ZDHHC21: variants seen among roughly 807,000 people sequenced by gnomAD.
ZDHHC21 encodes the protein zDHHC palmitoyltransferase 21.
Under a neutral mutation model 34.6 loss-of-function variants are expected in ZDHHC21, and 15 were observed. The ratio of observed to expected loss-of-function variants is 0.43; its 90% CI spans 0.29 to 0.67. ZDHHC21 has a LOEUF of 0.67. Ranked by LOEUF, ZDHHC21 falls within the 30% of genes least tolerant of loss-of-function variation. The pLI is 0.14. For missense variants in ZDHHC21, 344 were observed against 327.7 expected, an observed-to-expected ratio of 1.05 and a Z score of -0.38; for synonymous variants, 142 against 101.8, an observed-to-expected ratio of 1.40 and a Z score of -2.38.
At chr9:14,633,934 C>T (rs969130384) in intron 8 of ZDHHC21, among the ~76,000 whole-genome samples, 2 of 152,188 alleles carry the variant, frequency 1.3e-5, no homozygotes, top group Admixed American at 6.5e-5. Context: ...GAGATCACCC[C>T]ACCAATGCCT....
downstream of ZDHHC21, among the ~76,000 whole-genome samples, chr9:14,606,613 G>A (rs1265923402): frequency 6.6e-6 from 1 of 152,110 alleles, no homozygotes; most frequent in African/African-American, 2.4e-5. Flanking sequence ...CACAGAAACT[G>A]TGACCATAAA....
intron 8 of ZDHHC21, among the ~76,000 whole-genome samples, chr9:14,638,402 A>G (rs748426977): frequency 6.6e-6 from 1 of 152,112 alleles, no homozygotes; most frequent in Non-Finnish European, 1.5e-5. Flanking sequence ...CTCAAGATGT[A>G]TTAAAGACTT....
In ZDHHC21 at chr9:14,680,791, G is replaced by C. The variant is rs1837243187; in HGVS notation, c.-175-629C>G. On this transcript the variant is annotated intron_variant, in intron 2 of 9. Transcript: ENST00000380916. The stretch of plus-strand genomic sequence containing the variant: ...CTCTATCTTCAATGGAGGCAGACTA[G>C]CAAACAGACAAGACCAGTAAGACAA... 4.6e-5 allele frequency among the ~76,000 whole-genome samples: 7 copies of C among 152,132 alleles called. No homozygotes were observed. In the South Asian group the frequency reaches 1.2e-3, roughly 27 times the overall value.
At chr9:14,602,143 T>TAAC in the ZDHHC21 span, among the ~76,000 whole-genome samples, 3 of 151,570 alleles carry the variant, frequency 2.0e-5, no homozygotes, top group Non-Finnish European at 4.4e-5. Context: ...ACTTAAAGTA[T>TAAC]AATAATAATA....
intron 8 of ZDHHC21, among the ~76,000 whole-genome samples, chr9:14,623,687 T>A (rs1825717822): frequency 6.7e-6 from 1 of 148,302 alleles, no homozygotes; most frequent in Non-Finnish European, 1.5e-5. Flanking sequence ...AAAATCTGAT[T>A]CTAAAACAGA....
chr9:14,673,091 T>C (rs928719273), intron 4 of ZDHHC21, among the ~76,000 whole-genome samples, 163 bp from the exon 5 acceptor site: 4 of 151,930 alleles, frequency 2.6e-5, no homozygotes, highest in Non-Finnish European at 4.4e-5. Flanking sequence ...CAAATAACAC[T>C]GTCAGGAGGA....
At chr9:14,632,296 A>C (rs1165900293) in intron 8 of ZDHHC21, among the ~76,000 whole-genome samples, 1 of 152,188 alleles carries the variant, frequency 6.6e-6, no homozygotes. Context: ...TTAAGAGTCC[A>C]GAAAATATCT....
At chr9:14,640,547 C>T (rs1829195051) in intron 7 of ZDHHC21, among the ~76,000 whole-genome samples, 1 of 152,044 alleles carries the variant, frequency 6.6e-6, no homozygotes, top group Admixed American at 6.6e-5. Context: ...TCTCTTCAAG[C>T]CTACTTCATT....
Position 14,612,495 on chromosome 9 carries a change from G to A in ZDHHC21, c.*6471C>T, listed in dbSNP as rs1410960053. 2.6e-5 allele frequency: 4 copies of A among 151,858 alleles called. No homozygotes were observed. Among genetic ancestry groups the A allele is most frequent in the Non-Finnish European group, 4.4e-5 (3 of 67,880 alleles). The allele number at this position is 151,858 out of a possible 1,614,324, so 9.4% of individuals were successfully genotyped here. ...ACATTTCAAAGGTGTTTTAAATTAC[G>A]AGTACACTTAAAGGGTGTTTCTCTT... On this transcript the variant is annotated 3_prime_UTR_variant, in exon 10 of 10. Transcript: ENST00000380916.
chr9:14,651,787 C>T (rs767253740), intron 7 of ZDHHC21, among the ~76,000 whole-genome samples: 1 of 151,862 alleles, frequency 6.6e-6, no homozygotes, highest in Admixed American at 6.6e-5. Flanking sequence ...TACCAAATGA[C>T]TAGGCATCTG....
chr9:14,684,951 G>T (rs36143428), intron 2 of ZDHHC21, among the ~76,000 whole-genome samples: 5 of 152,174 alleles, frequency 3.3e-5, no homozygotes, highest in Admixed American at 6.5e-5. Context: ...AAGCAATGGG[G>T]AAAGGATTCC....
downstream of ZDHHC21, among the ~76,000 whole-genome samples, chr9:14,609,470 C>G (rs111641980): frequency 1.5e-4 from 23 of 152,216 alleles, no homozygotes; most frequent in African/African-American, 4.6e-4. Context: ...AGGACAACTA[C>G]TGACAGTATG....
the ZDHHC21 span, among the ~76,000 whole-genome samples, chr9:14,595,145 T>C: frequency 6.6e-6 from 1 of 152,208 alleles, no homozygotes; most frequent in East Asian, 1.9e-4. Flanking sequence ...TACCATTCAA[T>C]GCAGATTTCC....
chr9:14,678,835 T>C (rs868081121), intron 3 of ZDHHC21, among the ~76,000 whole-genome samples: 1 of 152,046 alleles, frequency 6.6e-6, no homozygotes, highest in East Asian at 1.9e-4. Flanking sequence ...TTCCAAGCTA[T>C]TGCAATTTTT....
At chr9:14,689,623 C>T (rs1426089798) in intron 2 of ZDHHC21, among the ~76,000 whole-genome samples, 1 of 152,114 alleles carries the variant, frequency 6.6e-6, no homozygotes, top group African/African-American at 2.4e-5. Flanking sequence ...TACTACACTG[C>T]AGTATTAATA....
At chr9:14,625,741 A>G (rs1319287596) in intron 8 of ZDHHC21, among the ~76,000 whole-genome samples, 2 of 151,988 alleles carry the variant, frequency 1.3e-5, no homozygotes, top group Non-Finnish European at 2.9e-5. Flanking sequence ...AAGTGGTTTT[A>G]TAATGAAAAA....
chr9:14,654,516 A>G (rs1427508376), intron 7 of ZDHHC21, among the ~76,000 whole-genome samples: 1 of 152,034 alleles, frequency 6.6e-6, no homozygotes, highest in Non-Finnish European at 1.5e-5. Flanking sequence ...AAATATCTGG[A>G]AATTGAGAAG....
intron 8 of ZDHHC21, among the ~76,000 whole-genome samples, chr9:14,621,729 A>C (rs926113894): frequency 6.6e-6 from 1 of 152,124 alleles, no homozygotes; most frequent in Non-Finnish European, 1.5e-5. Flanking sequence ...TACATATAAC[A>C]CACCCAGAGC....
chr9:14,626,036 C>T (rs1449297816), intron 8 of ZDHHC21, among the ~76,000 whole-genome samples: 1 of 151,894 alleles, frequency 6.6e-6, no homozygotes, highest in African/African-American at 2.4e-5. Context: ...AGAAATAAGT[C>T]TCGCACTAAT....
Sources: allele counts gnomAD v4.1 joint callset (sites outside exome capture counted in the v4.1 genomes callset), GRCh38; gene constraint gnomAD v4.1.1; transcripts MANE v1.5; gene names NCBI Gene and HGNC (gene_info 2026-07-23, HGNC 2026-07-21).